Variants in LDLRAD3 observed in about 807,000 individuals in gnomAD.
LDLRAD3 encodes the protein low density lipoprotein receptor class A domain containing 3.
In LDLRAD3, 20 loss-of-function variants were observed where a neutral mutation model predicts 29.4. The observed-to-expected ratio is 0.68, with a 90% CI of 0.48 to 0.99. The LOEUF is 0.99. LDLRAD3 is among the 50% of genes least tolerant of loss of function. The pLI, the probability that LDLRAD3 is intolerant of heterozygous loss-of-function variation, is 0.00. For synonymous variants in LDLRAD3, 157 were observed against 192.7 expected (o/e 0.81, Z 1.53); for missense variants, 420 against 454.3 (o/e 0.92, Z 0.69).
chr11:36,198,800 G>T (rs1359484337), intron 4 of LDLRAD3, among the ~76,000 whole-genome samples: 2 of 152,168 alleles, frequency 1.3e-5, no homozygotes, highest in Admixed American at 1.3e-4. Context: ...ACTTCATTTA[G>T]GTTTGTGATC....
Position 36,210,827 on chromosome 11 carries a change from G to T in LDLRAD3, c.455-16258G>T, listed in dbSNP as rs116064459. Reference sequence around the variant, plus strand: ...ATTGAGACCAAGTTTGCCATTTCCTGTAGGAACATTTCAGTAGCTTACTTC... The same window carrying T: ...ATTGAGACCAAGTTTGCCATTTCCTTTAGGAACATTTCAGTAGCTTACTTC... On this transcript the variant is annotated intron_variant, in intron 4 of 5. Coordinates refer to ENST00000315571, the MANE Select transcript of LDLRAD3 (RefSeq NM_174902.4). 7.2e-5 allele frequency among the ~76,000 whole-genome samples: 11 copies of T among 152,344 alleles called. No homozygotes were observed. In the East Asian group the frequency reaches 1.9e-3, roughly 27 times the overall value.
intron 2 of LDLRAD3, among the ~76,000 whole-genome samples, chr11:36,041,069 A>G (rs949759333): frequency 6.6e-6 from 1 of 152,144 alleles, no homozygotes; most frequent in African/African-American, 2.4e-5. Context: ...CACTTTGAGT[A>G]TATTTCTGTT....
chr11:36,077,161 T>C (rs2133252823), intron 2 of LDLRAD3, among the ~76,000 whole-genome samples: 1 of 152,200 alleles, frequency 6.6e-6, no homozygotes, highest in East Asian at 1.9e-4. Context: ...TCCTGTTATC[T>C]TGTCTGATAT....
chr11:35,969,123 C>T, intron 1 of LDLRAD3, among the ~76,000 whole-genome samples: 1 of 152,142 alleles, frequency 6.6e-6, no homozygotes, highest in Non-Finnish European at 1.5e-5. Flanking sequence ...GAAAGAAATC[C>T]CTAATATTCC....
intron 1 of LDLRAD3, among the ~76,000 whole-genome samples, chr11:35,951,409 G>A (rs762898315): frequency 3.9e-5 from 6 of 152,120 alleles, no homozygotes; most frequent in South Asian, 2.1e-4. Context: ...ATGTGAATGC[G>A]TCACATCTGT....
intron 1 of LDLRAD3, among the ~76,000 whole-genome samples, chr11:35,973,359 A>G (rs749065643): frequency 3.2e-4 from 49 of 152,328 alleles, no homozygotes; most frequent in Non-Finnish European, 6.6e-4. Context: ...GTGACAAACA[A>G]TGTTACATTG....
At chr11:36,072,071 C>T (rs1384063041) in intron 2 of LDLRAD3, among the ~76,000 whole-genome samples, 1 of 152,202 alleles carries the variant, frequency 6.6e-6, no homozygotes, top group Non-Finnish European at 1.5e-5. Context: ...TATTGTGGAA[C>T]AGCTCCTCAT....
At chr11:36,109,141 G>A (rs1032755800) in intron 4 of LDLRAD3, among the ~76,000 whole-genome samples, 1 of 152,164 alleles carries the variant, frequency 6.6e-6, no homozygotes, top group Non-Finnish European at 1.5e-5. Flanking sequence ...AGAGAGGAAC[G>A]CAGAAGCCCC....
At position 35,944,231 on chromosome 11, in the gene LDLRAD3, CCCGGGCGCGGGCCGCTCT is replaced by C; in HGVS notation, c.46+95_46+112del. The C allele has an allele frequency of 1.2e-6, 1 of 801,956 alleles. No homozygotes were observed. The highest frequency in any genetic ancestry group is 1.5e-6 in the Non-Finnish European group (1 of 661,752). The allele number at this position is 801,956 out of a possible 1,614,324, so 49.7% of individuals were successfully genotyped here. On this transcript the variant is annotated intron_variant, in intron 1 of 5. Transcript: ENST00000315571. This position sits in a 1 kb window ranked among gnomAD's most constrained non-coding sequence, Gnocchi z 4.9. Reference sequence around the variant, plus strand: ...GCGGCCGGGTGCGATCGCGTCCTCTCCCGGGCGCGGGCCGCTCTCCGGGCGTGGGTGAGCGCGGAGGGC... The same window carrying C: ...GCGGCCGGGTGCGATCGCGTCCTCTCCCGGGCGTGGGTGAGCGCGGAGGGC...
intron 1 of LDLRAD3, among the ~76,000 whole-genome samples, chr11:35,958,423 C>T (rs1455069118): frequency 2.6e-5 from 4 of 152,168 alleles, no homozygotes; most frequent in Admixed American, 1.3e-4. Flanking sequence ...CCCCATGGTG[C>T]TTGGTGCCCA....
Position 36,142,236 on chromosome 11 carries a change from GT to G in LDLRAD3, c.454+43779del, listed in dbSNP as rs201802378. On this transcript the variant is annotated intron_variant, in intron 4 of 5. Transcript: ENST00000315571. ...TCCTTAGTTTCTGACCTCTCTGATG[GT>G]TTTACTCTGATGAAAGGGTAGACTG... Among the ~76,000 whole-genome samples the G allele has an allele frequency of 5.8e-3, 876 of 152,256 alleles. 9 individuals are homozygous for G. The highest frequency in any genetic ancestry group is 0.02 in the African/African-American group (824 of 41,546).
intron 1 of LDLRAD3, among the ~76,000 whole-genome samples, chr11:35,948,780 G>C (rs1457808246): frequency 6.6e-6 from 1 of 152,172 alleles, no homozygotes; most frequent in Admixed American, 6.5e-5. Context: ...TCTCAGCTTT[G>C]GTACCAACGA....
intron 1 of LDLRAD3, among the ~76,000 whole-genome samples, chr11:35,947,280 G>A (rs949346779): frequency 1.3e-5 from 2 of 152,162 alleles, no homozygotes; most frequent in African/African-American, 2.4e-5. Flanking sequence ...AGGCCAAGAT[G>A]TGTGGATCGC....
chr11:36,055,788 T>G (rs942824449), intron 2 of LDLRAD3, among the ~76,000 whole-genome samples: 5 of 152,250 alleles, frequency 3.3e-5, no homozygotes, highest in Admixed American at 6.5e-5. Flanking sequence ...GGTTCTGTTA[T>G]GTTACCTTCA....
At chr11:36,078,108 A>G (rs1362370829) in intron 2 of LDLRAD3, among the ~76,000 whole-genome samples, 1 of 152,124 alleles carries the variant, frequency 6.6e-6, no homozygotes, top group Non-Finnish European at 1.5e-5. Flanking sequence ...TGTCTCCTCA[A>G]GTCTGGCTGA....
At chr11:36,095,766 A>G (rs1262813137) in intron 3 of LDLRAD3, among the ~76,000 whole-genome samples, 2 of 152,206 alleles carry the variant, frequency 1.3e-5, no homozygotes, top group Non-Finnish European at 2.9e-5. Flanking sequence ...GGACGTTTAC[A>G]TAAGCTTATG....
intron 3 of LDLRAD3, among the ~76,000 whole-genome samples, chr11:36,094,761 T>G (rs1853334295): frequency 6.6e-6 from 1 of 152,212 alleles, no homozygotes. Flanking sequence ...GGTCTTGACC[T>G]CCTGACCTCA....
At chr11:36,065,855 G>A (rs889543022) in intron 2 of LDLRAD3, among the ~76,000 whole-genome samples, 1 of 152,172 alleles carries the variant, frequency 6.6e-6, no homozygotes, top group Non-Finnish European at 1.5e-5. Context: ...GATCATGTGG[G>A]GAGGGCCAAG....
intron 1 of LDLRAD3, among the ~76,000 whole-genome samples, chr11:35,948,376 TTTG>T (rs560101572): frequency 1.1e-3 from 168 of 152,150 alleles, no homozygotes; most frequent in African/African-American, 3.9e-3. Context: ...ACCATGCAGT[TTTG>T]TTGTTGTTTT....
Sources: gnomAD v4.1 joint callset for allele counts (sites outside exome capture counted in the v4.1 genomes callset) on GRCh38, gnomAD v4.1.1 for gene constraint, Gnocchi (gnomAD v3.1) non-coding constraint, MANE v1.5 for transcripts, NCBI Gene and HGNC (gene_info 2026-07-23, HGNC 2026-07-21) for gene names.